LMX1B: variants seen among roughly 807,000 people sequenced by gnomAD.
LMX1B encodes the protein LIM homeobox transcription factor 1-beta.
A neutral mutation model predicts 51.4 loss-of-function variants in LMX1B; 12 were observed. The observed-to-expected ratio is 0.23, with a 90% CI of 0.15 to 0.38. The LOEUF is 0.38. Among genes scored for constraint, LMX1B ranks in the 10% least tolerant of loss-of-function variants. The probability of loss-of-function intolerance (pLI) is 1.00; values close to 1 mark genes in which losing one functional copy is unlikely to be tolerated. For missense variants in LMX1B, 445 were observed against 571.1 expected, an observed-to-expected ratio of 0.78 and a Z score of 2.25; for synonymous variants, 237 against 235.4, an observed-to-expected ratio of 1.01 and a Z score of -0.06.
intron 2 of LMX1B, among the ~76,000 whole-genome samples, chr9:126,654,667 C>T (rs577725013): frequency 2.5e-4 from 38 of 152,318 alleles, no homozygotes; most frequent in Non-Finnish European, 4.4e-4. Context: ...ACTCCACTGC[C>T]GAGGTCTGAG....
rs1222335081 is a variant in LMX1B at position 126,615,297 on chromosome 9, C to T, written c.140-86C>T. The T allele has an allele frequency of 4.4e-6, 5 of 1,130,494 alleles. No homozygotes were observed. The highest frequency in any genetic ancestry group is 2.2e-5 in the South Asian group (1 of 46,014). The allele number at this position is 1,130,494 out of a possible 1,614,324, so 70.0% of individuals were successfully genotyped here. On this transcript the variant is annotated intron_variant, in intron 1 of 7. Transcript: ENST00000373474. The surrounding 1 kb of genome is among the most constrained non-coding windows in gnomAD (Gnocchi z 6.0). ...TCCCGGGCGGCCCGAGCCCTCGGGG[C>T]CGAGGGCTGTGGGCCCGGTGCGACC... is the stretch of plus-strand genomic sequence containing the variant.
At chr9:126,683,220 G>A (rs1160788096) in intron 2 of LMX1B, among the ~76,000 whole-genome samples, 1 of 151,004 alleles carries the variant, frequency 6.6e-6, no homozygotes, top group Non-Finnish European at 1.5e-5. Context: ...CGCGAGGCCC[G>A]CAGAGCGCGC....
intron 2 of LMX1B, among the ~76,000 whole-genome samples, chr9:126,688,551 T>G (rs947564306): frequency 3.3e-5 from 5 of 152,192 alleles, no homozygotes; most frequent in African/African-American, 7.2e-5. Flanking sequence ...AGGACCACCC[T>G]CCATGTCAGA....
At chr9:126,690,601 G>A (rs947040698) in intron 2 of LMX1B, among the ~76,000 whole-genome samples, 3 of 152,328 alleles carry the variant, frequency 2.0e-5, no homozygotes, top group African/African-American at 4.8e-5. Flanking sequence ...TGCCACGCCC[G>A]GGACAGGTGA....
chr9:126,653,058 G>A (rs1836050354), intron 2 of LMX1B, among the ~76,000 whole-genome samples: 1 of 151,754 alleles, frequency 6.6e-6, no homozygotes, highest in Non-Finnish European at 1.5e-5. Flanking sequence ...TTTTGTGCTA[G>A]GAGCTGATTT....
chr9:126,680,106 T>C (rs1218063612), intron 2 of LMX1B, among the ~76,000 whole-genome samples: 1 of 152,238 alleles, frequency 6.6e-6, no homozygotes, highest in East Asian at 1.9e-4. Context: ...CCACGTGCGT[T>C]GTCAGCCCTC....
Position 126,615,432 on chromosome 9 carries a change from C to T in LMX1B, c.189C>T (p.Ile63=), listed in dbSNP as rs1451591140. Residue 63 remains isoleucine, a synonymous_variant, in exon 2 of 8, where the codon ATC becomes ATT. Coordinates refer to ENST00000373474, the MANE Select transcript of LMX1B (RefSeq NM_001174147.2). The surrounding 1 kb of genome is among the most constrained non-coding windows in gnomAD (Gnocchi z 6.0). ...PAVCEGCQRP[I]SDRFLMRVNE... ...TCTGCGAGGGCTGCCAGCGGCCCAT[C>T]TCCGACCGCTTCCTGATGCGAGTCA... is the stretch of plus-strand genomic sequence containing the variant. The T allele has an allele frequency of 1.2e-6, 2 of 1,609,162 alleles. No individual in the cohort carries two copies. Among genetic ancestry groups the T allele is most frequent in the Non-Finnish European group, 1.7e-6 (2 of 1,177,978 alleles).
Position 126,682,435 on chromosome 9 carries a change from T to G in LMX1B, c.327-8401T>G, listed in dbSNP as rs538630652. Reference sequence around the variant, plus strand: ...TCGTCATACTCTGTATGAAATGGATTTATCTACGTGTTAAAATAGATCAGT... The same window carrying G: ...TCGTCATACTCTGTATGAAATGGATGTATCTACGTGTTAAAATAGATCAGT... On this transcript the variant is annotated intron_variant, in intron 2 of 7. Transcript: ENST00000373474. Among the ~76,000 whole-genome samples, 7 of 152,314 alleles carry G rather than the reference T, an allele frequency of 4.6e-5. No individual in the cohort carries two copies. The East Asian group carries it at 1.4e-3, about 29-fold the overall frequency.
In LMX1B at chr9:126,656,496, C is replaced by T. The variant is rs527316124; in HGVS notation, c.327-34340C>T. On this transcript the variant is annotated intron_variant, in intron 2 of 7. Coordinates refer to ENST00000373474, the MANE Select transcript of LMX1B (RefSeq NM_001174147.2). ...GCTCATGGTTTCAGACAGACAAGGA[C>T]GAAGGCCTCAGAAGCCACTTGGAGG... is the stretch of plus-strand genomic sequence containing the variant. 1.4e-4 allele frequency among the ~76,000 whole-genome samples: 21 copies of T among 152,234 alleles called. No individual in the cohort carries two copies. In the South Asian group the frequency reaches 3.7e-3, roughly 27 times the overall value.
chr9:126,674,393 G>A (rs984410433), intron 2 of LMX1B, among the ~76,000 whole-genome samples: 16 of 152,152 alleles, frequency 1.1e-4, no homozygotes, highest in Non-Finnish European at 1.9e-4. Flanking sequence ...GGAGGCTGGG[G>A]GGGCATTCAG....
intron 2 of LMX1B, among the ~76,000 whole-genome samples, chr9:126,653,828 G>GC (rs1836064244): frequency 6.6e-6 from 1 of 151,882 alleles, no homozygotes; most frequent in Non-Finnish European, 1.5e-5. Flanking sequence ...CACCTCCCAG[G>GC]CCCCCAAGCT....
At chr9:126,619,302 G>C (rs1322587928) in intron 2 of LMX1B, among the ~76,000 whole-genome samples, 1 of 152,146 alleles carries the variant, frequency 6.6e-6, no homozygotes, top group African/African-American at 2.4e-5. Context: ...TCCCCATCCA[G>C]CTCCCGCGTT....
intron 2 of LMX1B, among the ~76,000 whole-genome samples, chr9:126,620,391 T>G (rs1467746192): frequency 6.6e-6 from 1 of 151,836 alleles, no homozygotes; most frequent in Non-Finnish European, 1.5e-5. Context: ...AAACTGGGGG[T>G]GATGATGTGA....
At position 126,615,117 on chromosome 9, in the gene LMX1B, A is replaced by G. The variant is rs2235057; in HGVS notation, c.140-266A>G. 0.25 allele frequency among the ~76,000 whole-genome samples: 38,571 copies of G among 151,852 alleles called. 5,161 individuals are homozygous for G. Among genetic ancestry groups the G allele is most frequent in the Middle Eastern group, 0.36 (105 of 292 alleles). On this transcript the variant is annotated intron_variant, in intron 1 of 7. Coordinates refer to ENST00000373474, the MANE Select transcript of LMX1B (RefSeq NM_001174147.2). The surrounding 1 kb of genome is among the most constrained non-coding windows in gnomAD (Gnocchi z 6.0). ...CTCGTTGTCATTTGTCTTAACACGG[A>G]GCGCGGATTCTCCGGAGAAGGGGAG...
chr9:126,698,965 C>T lies in LMX1B; in HGVS notation c.*2514C>T, dbSNP rs2030444395. On this transcript the variant is annotated 3_prime_UTR_variant, in exon 8 of 8. Transcript: ENST00000373474. Reference sequence around the variant, plus strand: ...GTTGATGTTCTGGTCCTTCTGCCGCCTCAGCCCACCAGGGTCCGTGCCACC... The same window carrying T: ...GTTGATGTTCTGGTCCTTCTGCCGCTTCAGCCCACCAGGGTCCGTGCCACC... The T allele has an allele frequency of 6.6e-6, 1 of 152,366 alleles. No individual in the cohort carries two copies. The highest frequency in any genetic ancestry group is 2.1e-4 in the South Asian group (1 of 4,828). The allele number at this position is 152,366 out of a possible 1,614,324, so 9.4% of individuals were successfully genotyped here. A position where few individuals can be genotyped will look rare whatever the true frequency, so the allele number is the denominator to read the frequency against.
At chr9:126,650,930 G>A (rs10987385) in intron 2 of LMX1B, among the ~76,000 whole-genome samples, 30,171 of 152,204 alleles carry the variant, frequency 0.2, 3,207 homozygotes, top group South Asian at 0.24. Flanking sequence ...CACACTTAGA[G>A]AACAGTATGT....
Position 126,671,899 on chromosome 9 carries a change from C to T in LMX1B, c.327-18937C>T, listed in dbSNP as rs989957837. Among the ~76,000 whole-genome samples the T allele has an allele frequency of 6.6e-6, 1 of 152,224 alleles. No individual in the cohort carries two copies. The highest frequency in any genetic ancestry group is 6.5e-5 in the Admixed American group (1 of 15,292). On this transcript the variant is annotated intron_variant, in intron 2 of 7. Transcript: ENST00000373474. This position sits in a 1 kb window ranked among gnomAD's most constrained non-coding sequence, Gnocchi z 4.4. ...AGAGGGGCAGAGAGGGAATAGAGGT[C>T]GGCATTCTCCACCACCCCCTTCTCC...
chr9:126,682,675 T>G (rs981725366), intron 2 of LMX1B, among the ~76,000 whole-genome samples: 2 of 151,910 alleles, frequency 1.3e-5, no homozygotes, highest in African/African-American at 4.8e-5. Flanking sequence ...GGTGGGGGGA[T>G]CACGAGGTCA....
At chr9:126,636,053 AG>A (rs1835708444) in intron 2 of LMX1B, among the ~76,000 whole-genome samples, 2 of 146,494 alleles carry the variant, frequency 1.4e-5, no homozygotes, top group Admixed American at 1.4e-4. Flanking sequence ...TTTACCCTGG[AG>A]CCCTCCCCTC....
Sources: allele counts gnomAD v4.1 joint callset (sites outside exome capture counted in the v4.1 genomes callset), GRCh38; gene constraint gnomAD v4.1.1; non-coding constraint Gnocchi (gnomAD v3.1); transcripts MANE v1.5; gene names NCBI Gene and HGNC (gene_info 2026-07-23, HGNC 2026-07-21).